Variants in NCAM1 observed in about 807,000 individuals in gnomAD.
NCAM1 encodes the protein neural cell adhesion molecule 1, also known as antigen recognized by monoclonal antibody 5.1H11.
In NCAM1, 14 loss-of-function variants were observed where a neutral mutation model predicts 109.8. That is an observed-to-expected ratio of 0.13 (90% CI 0.08 to 0.20). NCAM1 has a LOEUF of 0.20. NCAM1 is among the 10% of genes least tolerant of loss of function. NCAM1 has a pLI of 1.00. For synonymous variants in NCAM1, 418 were observed against 442.9 expected (o/e 0.94, Z 0.70); for missense variants, 774 against 1,109.9 (o/e 0.70, Z 4.30).
chr11:113,017,659 G>GTGTGTGTGTGTGTGTT (rs1565384831), intron 1 of NCAM1, among the ~76,000 whole-genome samples: 1 of 151,770 alleles, frequency 6.6e-6, no homozygotes, highest in Non-Finnish European at 1.5e-5. Flanking sequence ...GTGTGTGTGT[G>GTGTGTGTGTGTGTGTT]TATGTATGTC....
Position 112,962,860 on chromosome 11 carries a change from A to G in NCAM1, c.52+1196A>G, listed in dbSNP as rs1032098653. ...AGAGAGCTGGGTGGGTTGGGCGGAC[A>G]TTCTGGGCGGGGGGCGTGTGCTGGG... On this transcript the variant is annotated intron_variant, in intron 1 of 19. Coordinates refer to ENST00000316851, the MANE Select transcript of NCAM1 (RefSeq NM_181351.5). The surrounding 1 kb of genome is among the most constrained non-coding windows in gnomAD (Gnocchi z 5.6). 2.6e-5 allele frequency among the ~76,000 whole-genome samples: 4 copies of G among 151,954 alleles called. No homozygotes were observed. The highest frequency in any genetic ancestry group is 2.6e-4 in the Admixed American group (4 of 15,270).
intron 1 of NCAM1, among the ~76,000 whole-genome samples, chr11:112,989,625 T>C (rs1296791517): frequency 6.6e-6 from 1 of 152,176 alleles, no homozygotes; most frequent in Non-Finnish European, 1.5e-5. Context: ...CTCCATTTCT[T>C]AGGAGTTGAT....
chr11:113,169,034 TTC>T (rs1942901266), intron 1 of NCAM1, among the ~76,000 whole-genome samples: 1 of 118,576 alleles, frequency 8.4e-6, no homozygotes, highest in Non-Finnish European at 1.7e-5. Flanking sequence ...CTCTTCCTCT[TTC>T]TGTGTGTGTG....
intron 5 of NCAM1, among the ~76,000 whole-genome samples, 161 bp downstream of exon 5, chr11:113,206,341 T>TC (rs1176284625): frequency 6.7e-6 from 1 of 150,064 alleles, no homozygotes; most frequent in Admixed American, 6.6e-5. Flanking sequence ...TAGATTTCTT[T>TC]TTTTTTTTTT....
chr11:113,241,308 A>G (rs935558001), intron 14 of NCAM1, among the ~76,000 whole-genome samples: 5 of 152,242 alleles, frequency 3.3e-5, no homozygotes, highest in Admixed American at 2.0e-4. Flanking sequence ...CGCTTTATCC[A>G]TAAATGCATA....
intron 19 of NCAM1, chr11:113,272,994 A>C: frequency 2.2e-6 from 1 of 456,432 alleles, no homozygotes; most frequent in Non-Finnish European, 4.4e-6. Flanking sequence ...CACCGTCACC[A>C]CTAACTCTGA....
At chr11:113,237,953 T>TATAGATAGATAG (rs1555118630) in intron 14 of NCAM1, among the ~76,000 whole-genome samples, 2 of 90,656 alleles carry the variant, frequency 2.2e-5, no homozygotes, top group East Asian at 2.5e-4. Flanking sequence ...TATATAGATA[T>TATAGATAGATAG]ATAGATAGAT....
At chr11:113,252,611 G>A (rs1456258218) in intron 15 of NCAM1, among the ~76,000 whole-genome samples, 2 of 151,864 alleles carry the variant, frequency 1.3e-5, no homozygotes, top group African/African-American at 4.8e-5. Context: ...CGTAGGTAAA[G>A]CACTCTAAAT....
rs77306681 is a variant in NCAM1, at chr11:113,026,334, G to A, written c.52+64670G>A. 7.6e-4 allele frequency among the ~76,000 whole-genome samples: 116 copies of A among 152,214 alleles called. 1 individual carries two copies. The highest frequency in any genetic ancestry group is 2.4e-3 in the African/African-American group (100 of 41,548). Reference sequence around the variant, plus strand: ...GTGGACCTAGAATGAAGTTAACGTCGCAGTTAAGATTTTCACCGGCTACTT... The same window carrying A: ...GTGGACCTAGAATGAAGTTAACGTCACAGTTAAGATTTTCACCGGCTACTT... On this transcript the variant is annotated intron_variant, in intron 1 of 19. Coordinates refer to ENST00000316851, the MANE Select transcript of NCAM1 (RefSeq NM_181351.5).
chr11:113,062,696 G>A (rs530221652), intron 1 of NCAM1, among the ~76,000 whole-genome samples: 1 of 152,292 alleles, frequency 6.6e-6, no homozygotes, highest in African/African-American at 2.4e-5. Context: ...TTTAGGCCAG[G>A]TGCGGTGGCT....
chr11:113,085,028 G>C (rs1461990662), intron 1 of NCAM1, among the ~76,000 whole-genome samples: 1 of 152,158 alleles, frequency 6.6e-6, no homozygotes, highest in Non-Finnish European at 1.5e-5. Context: ...ATTCCTCTAT[G>C]CATGCTATAT....
intron 1 of NCAM1, among the ~76,000 whole-genome samples, chr11:113,025,387 C>T (rs1333700462): frequency 2.6e-5 from 4 of 152,038 alleles, no homozygotes; most frequent in Non-Finnish European, 4.4e-5. Context: ...ATTTGCCGAG[C>T]ACCTACTTCT....
chr11:113,241,676 T>G (rs1591450961), intron 14 of NCAM1, among the ~76,000 whole-genome samples: 1 of 152,158 alleles, frequency 6.6e-6, no homozygotes, highest in Non-Finnish European at 1.5e-5. Context: ...TAGAAGGGGC[T>G]CCAGGCCTGC....
chr11:113,127,168 C>T (rs1941212326), intron 1 of NCAM1, among the ~76,000 whole-genome samples: 1 of 152,176 alleles, frequency 6.6e-6, no homozygotes, highest in South Asian at 2.1e-4. Flanking sequence ...CATTTGGGAG[C>T]TTGTTAAATA....
chr11:113,231,825 G>A, intron 10 of NCAM1, 30 bp downstream of exon 10: 1 of 1,613,368 alleles, frequency 6.2e-7, no homozygotes, highest in African/African-American at 1.3e-5. Flanking sequence ...GGACCTGGGG[G>A]AGGGAGGGGC....
chr11:113,125,835 C>T (rs535787521), intron 1 of NCAM1, among the ~76,000 whole-genome samples: 3 of 152,218 alleles, frequency 2.0e-5, no homozygotes, highest in East Asian at 3.9e-4. Context: ...CCTTTCCTAC[C>T]CTTAACAACA....
At chr11:112,970,286 A>G (rs1324779691) in intron 1 of NCAM1, among the ~76,000 whole-genome samples, 1 of 152,212 alleles carries the variant, frequency 6.6e-6, no homozygotes, top group African/African-American at 2.4e-5. Context: ...GGGAATTAGC[A>G]GAGAGTTAAG....
At chr11:113,220,263 A>G (rs1387955389) in intron 8 of NCAM1, among the ~76,000 whole-genome samples, 1 of 152,148 alleles carries the variant, frequency 6.6e-6, no homozygotes, top group Non-Finnish European at 1.5e-5. Flanking sequence ...GCAAATGCCA[A>G]CTTGTGAATG....
At chr11:112,979,228 GA>G (rs150408197) in intron 1 of NCAM1, among the ~76,000 whole-genome samples, 1 of 146,722 alleles carries the variant, frequency 6.8e-6, no homozygotes, top group Non-Finnish European at 1.5e-5. Flanking sequence ...GAACAAAAAA[GA>G]AAAAAAAACA....
Sources: allele counts gnomAD v4.1 joint callset (sites outside exome capture counted in the v4.1 genomes callset), GRCh38; gene constraint gnomAD v4.1.1; non-coding constraint Gnocchi (gnomAD v3.1); transcripts MANE v1.5; gene names NCBI Gene and HGNC (gene_info 2026-07-23, HGNC 2026-07-21).